The following NRDC variants were observed in gnomAD, a reference collection of about 807,000 sequenced individuals.
The protein encoded by NRDC is nardilysin.
Under a neutral mutation model 147.1 loss-of-function variants are expected in NRDC, and 54 were observed. That is an observed-to-expected ratio of 0.37 (90% CI 0.29 to 0.46). NRDC has a LOEUF of 0.46. NRDC is among the 20% of genes least tolerant of loss of function. NRDC has a pLI of 1.00. For synonymous variants in NRDC, 440 were observed against 482.1 expected, an observed-to-expected ratio of 0.91 and a Z score of 1.14; for missense variants, 1,082 against 1,370.6, an observed-to-expected ratio of 0.79 and a Z score of 3.33.
intron 1 of NRDC, among the ~76,000 whole-genome samples, chr1:51,843,443 T>C (rs1175366386): frequency 6.6e-6 from 1 of 152,216 alleles, no homozygotes; most frequent in Non-Finnish European, 1.5e-5. Flanking sequence ...TTACTAATTA[T>C]GCTTTGCCTG....
intron 3 of NRDC, 26 bp from the exon 4 acceptor site, chr1:51,834,196 A>G (rs376633008): frequency 7.4e-6 from 12 of 1,611,680 alleles, no homozygotes; most frequent in Non-Finnish European, 1.0e-5. Flanking sequence ...ACAAAGTCAC[A>G]CAACACAAAG....
chr1:51,789,711 A>G, intron 29 of NRDC, 54 bp from the exon 30 acceptor site: 1 of 1,254,942 alleles, frequency 8.0e-7, no homozygotes, highest in Non-Finnish European at 1.2e-6. Flanking sequence ...ATAGCTCTTA[A>G]ACCTAACCCC....
chr1:51,797,784 C>A (rs560432535), intron 22 of NRDC, among the ~76,000 whole-genome samples: 6 of 152,116 alleles, frequency 3.9e-5, no homozygotes, highest in African/African-American at 1.4e-4. Flanking sequence ...TATTTCTTTT[C>A]TTTTGAGACA....
At chr1:51,828,944 A>C (rs930270701) in intron 4 of NRDC, among the ~76,000 whole-genome samples, 2 of 152,014 alleles carry the variant, frequency 1.3e-5, no homozygotes, top group Admixed American at 6.6e-5. Context: ...TCTTTAAAAA[A>C]CTTTTAACTT....
At chr1:51,845,309 T>C (rs982102018) in intron 1 of NRDC, among the ~76,000 whole-genome samples, 1 of 152,146 alleles carries the variant, frequency 6.6e-6, no homozygotes, top group Admixed American at 6.5e-5. Flanking sequence ...TGTCTCCTTT[T>C]GGCCCGGCCG....
intron 20 of NRDC, chr1:51,801,126 C>T (rs1679174779): frequency 6.5e-6 from 1 of 152,872 alleles, no homozygotes; most frequent in African/African-American, 2.4e-5. Context: ...CTTAAGGGTC[C>T]AAAATTCTAA....
At chr1:51,811,097 A>AT (rs1215893743) in intron 15 of NRDC, among the ~76,000 whole-genome samples, 10 of 152,148 alleles carry the variant, frequency 6.6e-5, no homozygotes, top group African/African-American at 2.4e-4. Flanking sequence ...AAAACAACAA[A>AT]TGGTGGTTCA....
intron 7 of NRDC, among the ~76,000 whole-genome samples, chr1:51,822,116 C>A (rs897045573): frequency 6.6e-6 from 1 of 151,614 alleles, no homozygotes; most frequent in Non-Finnish European, 1.5e-5. Flanking sequence ...GTAAGAAATT[C>A]TTTGGAAATT....
chr1:51,793,043 TGCTTCCCACTCACCAGAGGAAGAG>T (rs569743635), intron 24 of NRDC, among the ~76,000 whole-genome samples: 297 of 152,340 alleles, frequency 1.9e-3, no homozygotes, highest in African/African-American at 6.8e-3. Flanking sequence ...CAGACTCATT[TGCTTCCCACTCACCAGAGGAAGAG>T]GCTAATGCCT....
rs746656146 is a variant in NRDC, at chr1:51,790,655, C to G, written c.3052-6G>C. 2.5e-6 allele frequency: 4 copies of G among 1,596,586 alleles called. No homozygotes were observed. Among genetic ancestry groups the G allele is most frequent in the Non-Finnish European group, 8.6e-7 (1 of 1,164,128 alleles). On this transcript the variant is annotated splice_polypyrimidine_tract_variant and splice_region_variant and intron_variant, in intron 28 of 30. Coordinates refer to ENST00000352171, the MANE Select transcript of NRDC (RefSeq NM_001101662.2). ...AGCTTGATGAGAGCTGTGACCTGTT[C>G]CCACCAAAAAGAAAGATGCTCAGGT...
intron 4 of NRDC, 145 bp from the exon 5 acceptor site, chr1:51,828,014 T>C: frequency 1.6e-6 from 1 of 643,730 alleles, no homozygotes; most frequent in Non-Finnish European, 2.8e-6. Context: ...ATTTCTATAT[T>C]TTAAACTAAT....
At chr1:51,789,911 C>G in intron 29 of NRDC, 2 of 481,520 alleles carry the variant, frequency 4.2e-6, no homozygotes, top group Non-Finnish European at 7.5e-6. Flanking sequence ...ATACCATACA[C>G]TGAGCCCAAC....
intron 1 of NRDC, among the ~76,000 whole-genome samples, chr1:51,874,542 G>C (rs549054368): frequency 1.3e-5 from 2 of 151,894 alleles, no homozygotes; most frequent in Non-Finnish European, 2.9e-5. Flanking sequence ...CTGGGAGGTC[G>C]AGGCTGCAGT....
intron 16 of NRDC, 98 bp from the exon 17 acceptor site, chr1:51,809,499 C>A: frequency 2.3e-6 from 2 of 852,298 alleles, no homozygotes; most frequent in Non-Finnish European, 4.0e-6. Flanking sequence ...AATCAATTAT[C>A]CTTTCTCAGG....
At chr1:51,809,186 T>C in intron 17 of NRDC, 129 bp downstream of exon 17, 1 of 719,854 alleles carries the variant, frequency 1.4e-6, no homozygotes, top group East Asian at 2.5e-5. Context: ...AAAATACTAA[T>C]GCCAACCTCA....
rs1016326311 is a variant in NRDC at position 51,790,397 on chromosome 1, A to G, written c.3168+136T>C. The G allele has an allele frequency of 3.3e-5, 23 of 689,062 alleles. 1 individual carries two copies. Among genetic ancestry groups the G allele is most frequent in the East Asian group, 1.0e-4 (4 of 39,942 alleles). The allele number at this position is 689,062 out of a possible 1,614,324, so 42.7% of individuals were successfully genotyped here. On this transcript the variant is annotated intron_variant, in intron 29 of 30. Transcript: ENST00000352171. ...GAGAGGCCAGTCTGAAAACTCAGGA[A>G]GTGAGCGAGTAATCAGGCCAGGACT...
intron 1 of NRDC, among the ~76,000 whole-genome samples, chr1:51,864,131 A>C (rs193249841): frequency 1.3e-4 from 20 of 152,338 alleles, no homozygotes; most frequent in Admixed American, 8.5e-4. Flanking sequence ...TACTGAATGC[A>C]TATCACTTTT....
chr1:51,820,735 T>C (rs528680848), intron 8 of NRDC, among the ~76,000 whole-genome samples: 57 of 152,294 alleles, frequency 3.7e-4, no homozygotes, highest in Non-Finnish European at 5.9e-4. Flanking sequence ...TTTCTAATTA[T>C]GTATTAGAAG....
At chr1:51,856,925 A>T (rs144157095) in intron 1 of NRDC, among the ~76,000 whole-genome samples, 42 of 152,234 alleles carry the variant, frequency 2.8e-4, no homozygotes, top group African/African-American at 8.2e-4. Context: ...GGGCTATGGG[A>T]GTTACAAGCC....
Sources: allele counts gnomAD v4.1 joint callset (sites outside exome capture counted in the v4.1 genomes callset), GRCh38; gene constraint gnomAD v4.1.1; transcripts MANE v1.5; gene names NCBI Gene and HGNC (gene_info 2026-07-23, HGNC 2026-07-21).